CATSPERG: variants seen among roughly 807,000 people sequenced by gnomAD.
CATSPERG encodes cation channel sperm-associated auxiliary subunit gamma.
In CATSPERG, 115 loss-of-function variants were observed where a neutral mutation model predicts 145.0. That is an observed-to-expected ratio of 0.79 (90% CI 0.68 to 0.93). The LOEUF (loss-of-function observed/expected upper bound fraction) is 0.93, where lower values mean the gene tolerates loss of function less well. Ranked by LOEUF, CATSPERG falls within the 40% of genes least tolerant of loss-of-function variation. The pLI is 0.00. For synonymous variants in CATSPERG, 588 were observed against 589.0 expected (o/e 1.00, Z 0.02); for missense variants, 1,296 against 1,490.1 (o/e 0.87, Z 2.14).
Position 38,367,275 on chromosome 19 carries a change from C to T in CATSPERG, c.2733C>T (p.Asn911=), listed in dbSNP as rs772515351. 34 of 1,613,624 alleles carry T rather than the reference C, an allele frequency of 2.1e-5. No homozygotes were observed. In the East Asian group the frequency reaches 2.7e-4, roughly 13 times the overall value. The change falls in exon 23 of 29, where the codon AAC becomes AAT. Residue 911 remains asparagine (N), a synonymous_variant. Transcript: ENST00000409235. ...ACAAACACTACTTTGACTGCGTTAA[C>T]GTGAACCCGGAGATGCCCTGCTTTC... ...LKNKHYFDCV[N]VNPEMPCFLF... is the part of the protein sequence containing the mutation.
chr19:38,362,739 G>A lies in CATSPERG; in HGVS notation c.2382G>A (p.Gln794=), dbSNP rs1970372738. 1.2e-6 allele frequency: 2 copies of A among 1,614,106 alleles called. No homozygotes were observed. The highest frequency in any genetic ancestry group is 1.3e-5 in the African/African-American group (1 of 74,946). Residue 794 remains glutamine (Q), a synonymous_variant, in exon 20 of 29, where the codon CAG becomes CAA. Coordinates refer to ENST00000409235, the MANE Select transcript of CATSPERG (RefSeq NM_021185.5). ...ELGTAFQLHS[Q]VDVGVVLADP... is the part of the protein sequence containing the mutation. ...GCACCGCCTTCCAGCTGCATAGCCA[G>A]GTGGACGTGGGCGTGGTGCTGGCCG...
chr19:38,363,880 G>A (rs909467803), intron 20 of CATSPERG, among the ~76,000 whole-genome samples: 31 of 152,170 alleles, frequency 2.0e-4, no homozygotes, highest in Non-Finnish European at 2.6e-4. Context: ...ACACAGACAC[G>A]GCAACCATCC....
At chr19:38,353,752 C>G (rs976174973) in intron 8 of CATSPERG, among the ~76,000 whole-genome samples, 7 of 148,388 alleles carry the variant, frequency 4.7e-5, no homozygotes, top group Admixed American at 2.7e-4. Flanking sequence ...CCTGTAATCC[C>G]AGCGCTTTGG....
chr19:38,351,177 T>C (rs1198233722), intron 7 of CATSPERG, among the ~76,000 whole-genome samples: 1 of 152,124 alleles, frequency 6.6e-6, no homozygotes, highest in Non-Finnish European at 1.5e-5. Context: ...ACAATCACCA[T>C]GCCCAACATG....
At chr19:38,366,899 G>A in intron 22 of CATSPERG, 1 of 482,620 alleles carries the variant, frequency 2.1e-6, no homozygotes, top group South Asian at 2.9e-5. Context: ...TTACTGTGCT[G>A]GCCAGGCTAG....
Position 38,337,470 on chromosome 19 carries a change from A to T in CATSPERG, c.236A>T (p.His79Leu). 2 of 1,552,168 alleles carry T rather than the reference A, an allele frequency of 1.3e-6. No homozygotes were observed. The highest frequency in any genetic ancestry group is 1.7e-6 in the Non-Finnish European group (2 of 1,147,106). The change falls in exon 2 of 29, where the codon CAC becomes CTC. Residue 79 changes from histidine (H) to leucine (L), a missense_variant. Transcript: ENST00000409235. ...EPVDTVSSLFHMLVDSPIDPS... is the reference protein window; with the variant it reads ...EPVDTVSSLFLMLVDSPIDPS... Reference sequence around the variant, plus strand: ...GTGGACACAGTGAGCAGCTTGTTTCACATGCTGGTGGACTCACCCATCGAC... The same window carrying T: ...GTGGACACAGTGAGCAGCTTGTTTCTCATGCTGGTGGACTCACCCATCGAC...
chr19:38,364,716 T>C (rs1455776723), intron 20 of CATSPERG, among the ~76,000 whole-genome samples, 175 bp from the exon 21 acceptor site: 1 of 152,254 alleles, frequency 6.6e-6, no homozygotes, highest in East Asian at 1.9e-4. Context: ...GGTTAGGAGC[T>C]GGAGACCAGC....
At chr19:38,343,516 C>T in intron 3 of CATSPERG, 64 bp from the exon 4 acceptor site, 1 of 1,444,730 alleles carries the variant, frequency 6.9e-7, no homozygotes, top group South Asian at 1.4e-5. Context: ...TAGAGGCGGG[C>T]TTAAGGCAGG....
In CATSPERG at chr19:38,354,798, C is replaced by T. The variant is rs1247276591; in HGVS notation, c.1086C>T (p.Ala362=). The T allele has an allele frequency of 1.9e-6, 3 of 1,614,090 alleles. No individual in the cohort carries two copies. The highest frequency in any genetic ancestry group is 1.1e-5 in the South Asian group (1 of 91,074). Residue 362 remains alanine (A), a synonymous_variant, in exon 9 of 29, where the codon GCC becomes GCT. Coordinates refer to ENST00000409235, the MANE Select transcript of CATSPERG (RefSeq NM_021185.5). ...GCAATGGCTCTGAGTACATAATGGC[C>T]CTCACCACGGGCAAGCATGAGGGTT... ...FHSNGSEYIM[A]LTTGKHEGYV...
chr19:38,352,590 T>A, intron 8 of CATSPERG, 158 bp downstream of exon 8: 1 of 554,076 alleles, frequency 1.8e-6, no homozygotes. Context: ...GGGCCTTGCC[T>A]TGCCCTTTTT....
rs1470036498 is a variant in CATSPERG, at chr19:38,337,317, T to G, written c.83T>G (p.Val28Gly). The change falls in exon 2 of 29, where the codon GTG becomes GGG. Residue 28 changes from valine to glycine, a missense_variant. By Grantham distance (109) the Val-to-Gly change is moderately radical (BLOSUM62 -3). Coordinates refer to ENST00000409235, the MANE Select transcript of CATSPERG (RefSeq NM_021185.5). ...VVQVLWALLA[V>G]LLASWRLWAI... is the part of the protein sequence containing the mutation. ...CAGGTGCTGTGGGCCCTGCTGGCAG[T>G]GCTCCTGGCGTCGTGGAGGCTGTGG... 12 of 1,551,468 alleles carry G rather than the reference T, an allele frequency of 7.7e-6. No individual in the cohort carries two copies. The East Asian group carries it at 2.9e-4, about 38-fold the overall frequency.
intron 20 of CATSPERG, among the ~76,000 whole-genome samples, chr19:38,363,671 C>T: frequency 6.6e-6 from 1 of 151,654 alleles, no homozygotes; most frequent in East Asian, 1.9e-4. Context: ...TGACTCTTAA[C>T]GAGCATGCTG....
intron 6 of CATSPERG, among the ~76,000 whole-genome samples, chr19:38,344,668 T>A (rs1038707731): frequency 1.3e-5 from 2 of 148,532 alleles, no homozygotes; most frequent in Non-Finnish European, 3.0e-5. Context: ...CATCCATACC[T>A]GTACATACAT....
intron 23 of CATSPERG, 33 bp downstream of exon 23, chr19:38,367,345 A>G (rs1203632078): frequency 1.9e-6 from 3 of 1,600,084 alleles, no homozygotes; most frequent in South Asian, 2.2e-5. Flanking sequence ...TGCACAGTTC[A>G]CTGCCCTCTT....
At chr19:38,352,814 A>G (rs1970168529) in intron 8 of CATSPERG, among the ~76,000 whole-genome samples, 1 of 151,580 alleles carries the variant, frequency 6.6e-6, no homozygotes, top group Non-Finnish European at 1.5e-5. Flanking sequence ...TCAGAAAGAC[A>G]GAGCGGGAGG....
rs373890438 is a variant in CATSPERG at position 38,364,882 on chromosome 19, C to T, written c.2476-9C>T. ...CTTCATTTCTGCCTCTCCCCTCCTT[C>T]AACCCCAGATTACGCTCAAGGATAA... On this transcript the variant is annotated splice_polypyrimidine_tract_variant and intron_variant, in intron 20 of 28. Coordinates refer to ENST00000409235, the MANE Select transcript of CATSPERG (RefSeq NM_021185.5). The T allele has an allele frequency of 6.8e-6, 11 of 1,611,072 alleles. No individual in the cohort carries two copies. In the African/African-American group the frequency reaches 1.1e-4, roughly 16 times the overall value.
rs1429319002 is a variant in CATSPERG, at chr19:38,362,839, C to A, written c.2475+7C>A. 2 of 1,526,526 alleles carry A rather than the reference C, an allele frequency of 1.3e-6. No homozygotes were observed. Among genetic ancestry groups the A allele is most frequent in the Admixed American group, 1.7e-5 (1 of 59,578 alleles). 94.6% of individuals were successfully genotyped at this position (1,526,526 alleles called of 1,614,324 possible). On this transcript the variant is annotated splice_region_variant and intron_variant, in intron 20 of 28. Transcript: ENST00000409235. ...CAACTCGGTGCTATTTTCGGTGAGGCCCCCCGGGGAGTTGGGATCAAGGGA... is the reference window on the plus strand; with the variant it reads ...CAACTCGGTGCTATTTTCGGTGAGGACCCCCGGGGAGTTGGGATCAAGGGA...
intron 11 of CATSPERG, 77 bp from the exon 12 acceptor site, chr19:38,358,201 G>A: frequency 6.8e-7 from 1 of 1,473,358 alleles, no homozygotes; most frequent in Non-Finnish European, 9.5e-7. Context: ...AGGCTGAGAA[G>A]CAAACAACTT....
chr19:38,358,201 G>T, intron 11 of CATSPERG, 77 bp from the exon 12 acceptor site: 1 of 1,473,360 alleles, frequency 6.8e-7, no homozygotes, highest in Non-Finnish European at 9.5e-7. Flanking sequence ...AGGCTGAGAA[G>T]CAAACAACTT....
Sources: gnomAD v4.1 joint callset for allele counts (sites outside exome capture counted in the v4.1 genomes callset) on GRCh38, gnomAD v4.1.1 for gene constraint, MANE v1.5 for transcripts, NCBI Gene and HGNC (gene_info 2026-07-23, HGNC 2026-07-21) for gene names.